TRMT11: variants seen among roughly 807,000 people sequenced by gnomAD.
TRMT11 encodes the protein tRNA methyltransferase 11, also known as tRNA (guanine(10)-N(2))-methyltransferase TRMT11.
A neutral mutation model predicts 62.8 loss-of-function variants in TRMT11; 53 were observed. The observed-to-expected ratio is 0.84, with a 90% CI of 0.68 to 1.06. The LOEUF is 1.06. TRMT11 is among the 50% of genes least tolerant of loss of function. The probability of loss-of-function intolerance (pLI) is 0.00; values close to 1 mark genes in which losing one functional copy is unlikely to be tolerated. For synonymous variants in TRMT11, 188 were observed against 190.3 expected (o/e 0.99, Z 0.10); for missense variants, 556 against 553.4 (o/e 1.00, Z -0.05).
chr6:126,081,668 C>A (rs925465708), intron 17 of TRMT11, among the ~76,000 whole-genome samples: 2 of 152,064 alleles, frequency 1.3e-5, no homozygotes, highest in Non-Finnish European at 2.9e-5. Flanking sequence ...TTTTGGAGGT[C>A]ACATATACTA....
intron 21 of TRMT11, among the ~76,000 whole-genome samples, chr6:126,136,516 A>G (rs1295552688): frequency 1.3e-5 from 2 of 151,796 alleles, no homozygotes; most frequent in Non-Finnish European, 3.0e-5. Context: ...GATATGAAAA[A>G]TGGAAAATAT....
At chr6:126,182,189 A>G (rs1778474220) in intron 1 of TRMT11, among the ~76,000 whole-genome samples, 1 of 152,204 alleles carries the variant, frequency 6.6e-6, no homozygotes, top group African/African-American at 2.4e-5. Flanking sequence ...GAACCTTTCT[A>G]CAAAAAGGAT....
At chr6:126,078,538 C>T (rs551537306) in intron 17 of TRMT11, among the ~76,000 whole-genome samples, 1 of 151,968 alleles carries the variant, frequency 6.6e-6, no homozygotes, top group Non-Finnish European at 1.5e-5. Context: ...AATCAAGCAA[C>T]GCCTCTGTTG....
intron 17 of TRMT11, among the ~76,000 whole-genome samples, chr6:126,067,199 C>CAA (rs778111134): frequency 1.2e-3 from 119 of 96,336 alleles, no homozygotes; most frequent in African/African-American, 3.0e-3. Context: ...GACTCCTTCT[C>CAA]AAAAAAAAAA....
chr6:126,065,409 G>C (rs1011016649), intron 17 of TRMT11, among the ~76,000 whole-genome samples: 1 of 151,898 alleles, frequency 6.6e-6, no homozygotes, highest in Non-Finnish European at 1.5e-5. Flanking sequence ...TACCCTCTTC[G>C]TGTTTCACTC....
chr6:126,132,815 G>T (rs568038928), intron 21 of TRMT11, among the ~76,000 whole-genome samples: 1 of 152,158 alleles, frequency 6.6e-6, no homozygotes, highest in East Asian at 1.9e-4. Context: ...AGAGTTGGTT[G>T]TACTGTAGTA....
chr6:126,065,999 T>G (rs1168591987), intron 17 of TRMT11, among the ~76,000 whole-genome samples: 2 of 152,248 alleles, frequency 1.3e-5, no homozygotes, highest in African/African-American at 4.8e-5. Context: ...CCTCGGTGCC[T>G]GCATAGCTAT....
intron 17 of TRMT11, among the ~76,000 whole-genome samples, chr6:126,107,126 A>C (rs1440616924): frequency 6.6e-6 from 1 of 152,132 alleles, no homozygotes; most frequent in African/African-American, 2.4e-5. Context: ...CGTTGCTTGG[A>C]TTTCTAATTA....
At chr6:126,060,834 A>G (rs1042924924) in intron 17 of TRMT11, among the ~76,000 whole-genome samples, 3 of 152,262 alleles carry the variant, frequency 2.0e-5, no homozygotes, top group East Asian at 1.9e-4. Flanking sequence ...TTTTGAGAAC[A>G]CAACATAGAC....
chr6:126,166,600 T>G (rs752103167), intron 21 of TRMT11, among the ~76,000 whole-genome samples: 2 of 152,192 alleles, frequency 1.3e-5, no homozygotes, highest in Non-Finnish European at 2.9e-5. Flanking sequence ...AAGGACCCAC[T>G]TGAGGAGGCA....
the TRMT11 span, among the ~76,000 whole-genome samples, chr6:126,247,180 T>C: frequency 6.6e-6 from 1 of 152,198 alleles, no homozygotes; most frequent in East Asian, 1.9e-4. Flanking sequence ...AAGCTTACAA[T>C]CCATCTCTCC....
At chr6:126,155,489 C>T (rs1778107814) in intron 21 of TRMT11, among the ~76,000 whole-genome samples, 1 of 152,072 alleles carries the variant, frequency 6.6e-6, no homozygotes, top group Admixed American at 6.6e-5. Flanking sequence ...CATCCCCTGC[C>T]AATAGTCCCC....
chr6:126,238,124 G>A, the TRMT11 span, among the ~76,000 whole-genome samples: 1 of 152,104 alleles, frequency 6.6e-6, no homozygotes, highest in Admixed American at 6.5e-5. Context: ...AGTCTTGCTA[G>A]CGGTCTATCA....
intron 21 of TRMT11, among the ~76,000 whole-genome samples, chr6:126,156,089 A>G (rs1023451506): frequency 6.6e-6 from 1 of 152,154 alleles, no homozygotes; most frequent in African/African-American, 2.4e-5. Flanking sequence ...TCCCTCATCT[A>G]GGTCACACTG....
chr6:126,253,132 G>A, the TRMT11 span, among the ~76,000 whole-genome samples: 2 of 151,896 alleles, frequency 1.3e-5, no homozygotes, highest in African/African-American at 4.8e-5. Context: ...TCTAAAATGT[G>A]TATACATATG....
chr6:126,034,938 A>G (rs1774892669), intron 12 of TRMT11, among the ~76,000 whole-genome samples: 1 of 152,110 alleles, frequency 6.6e-6, no homozygotes, highest in Admixed American at 6.6e-5. Context: ...AATAGAGAAG[A>G]GTCATGAAAA....
At chr6:126,266,713 A>G in the TRMT11 span, among the ~76,000 whole-genome samples, 5 of 152,206 alleles carry the variant, frequency 3.3e-5, no homozygotes, top group Non-Finnish European at 5.9e-5. Context: ...TCTGGAACAT[A>G]ATCAAATTTT....
the TRMT11 span, among the ~76,000 whole-genome samples, chr6:126,271,809 A>G: frequency 2.6e-5 from 4 of 152,180 alleles, no homozygotes; most frequent in Admixed American, 2.6e-4. Flanking sequence ...TAGAAGGTCG[A>G]TATCAGAGTG....
At chr6:126,244,008 T>G in the TRMT11 span, among the ~76,000 whole-genome samples, 1 of 152,226 alleles carries the variant, frequency 6.6e-6, no homozygotes, top group Non-Finnish European at 1.5e-5. Flanking sequence ...AGTTTCCACT[T>G]TCTACGTGAG....
Sources: allele counts gnomAD v4.1 joint callset (sites outside exome capture counted in the v4.1 genomes callset), GRCh38; gene constraint gnomAD v4.1.1; transcripts MANE v1.5; gene names NCBI Gene and HGNC (gene_info 2026-07-23, HGNC 2026-07-21).